ANKRD31: variants seen among roughly 807,000 people sequenced by gnomAD.
ANKRD31 encodes the protein ankyrin repeat domain 31.
ANKRD31 carries 147 observed loss-of-function variants against 186.0 expected under a neutral mutation model. The ratio of observed to expected loss-of-function variants is 0.79; its 90% CI spans 0.69 to 0.91. The LOEUF is 0.91. Among genes scored for constraint, ANKRD31 ranks in the 40% least tolerant of loss-of-function variants. The pLI, the probability that ANKRD31 is intolerant of heterozygous loss-of-function variation, is 0.00. For missense variants in ANKRD31, 1,986 were observed against 2,148.8 expected (o/e 0.92, Z 1.50); for synonymous variants, 673 against 736.4 (o/e 0.91, Z 1.39).
chr5:75,104,637 T>G lies in ANKRD31; in HGVS notation c.4922A>C (p.Lys1641Thr), dbSNP rs1422816687. The G allele has an allele frequency of 3.3e-6, 5 of 1,536,250 alleles. 1 individual carries two copies. The South Asian group carries it at 6.0e-5, about 18-fold the overall frequency. Reference sequence around the variant, plus strand: ...ACTTGCAGTTTCTGAAATATTTAATTTGCCGATTACTGGGGAAGAAACATA... The same window carrying G: ...ACTTGCAGTTTCTGAAATATTTAATGTGCCGATTACTGGGGAAGAAACATA... ...EFYVSSPVIGKLNISETASVL... is the reference protein window; with the variant it reads ...EFYVSSPVIGTLNISETASVL... Residue 1641 changes from lysine to threonine, a missense_variant, in exon 22 of 26, where the codon AAA becomes ACA. By Grantham distance (78) the Lys-to-Thr change is moderately conservative. Coordinates refer to ENST00000506364, the MANE Select transcript of ANKRD31 (RefSeq NM_001372053.1).
intron 22 of ANKRD31, among the ~76,000 whole-genome samples, chr5:75,101,605 T>C (rs1051162356): frequency 6.6e-6 from 1 of 152,186 alleles, no homozygotes; most frequent in Admixed American, 6.6e-5. Context: ...AGTCCCATAG[T>C]TCTTGGAGGC....
rs536162494 is a variant in ANKRD31 at position 75,187,280 on chromosome 5, A to G, written c.1564+1213T>C. Reference sequence around the variant, plus strand: ...GGTAGCCAGAAATAAAGATAGAGCTAAGATGCAAAGTAAGAAGGAAAAGTA... The same window carrying G: ...GGTAGCCAGAAATAAAGATAGAGCTGAGATGCAAAGTAAGAAGGAAAAGTA... On this transcript the variant is annotated intron_variant, in intron 10 of 25. Coordinates refer to ENST00000506364, the MANE Select transcript of ANKRD31 (RefSeq NM_001372053.1). 2.6e-5 allele frequency among the ~76,000 whole-genome samples: 4 copies of G among 152,146 alleles called. No homozygotes were observed. In the East Asian group the frequency reaches 5.8e-4, roughly 22 times the overall value.
chr5:75,222,640 C>T (rs1029621972), intron 2 of ANKRD31, among the ~76,000 whole-genome samples: 1 of 152,132 alleles, frequency 6.6e-6, no homozygotes, highest in Non-Finnish European at 1.5e-5. Context: ...TGTGTTGTTC[C>T]TCTCTCTGTG....
chr5:75,189,987 C>T lies in ANKRD31; in HGVS notation c.1409-1339G>A, dbSNP rs370164144. On this transcript the variant is annotated intron_variant, in intron 9 of 25. Transcript: ENST00000506364. ...ATTATATAATGTTGGATTTGATATGCTCAAGTTTTGTTTAGAATTTTTTTT... is the reference window on the plus strand; with the variant it reads ...ATTATATAATGTTGGATTTGATATGTTCAAGTTTTGTTTAGAATTTTTTTT... Among the ~76,000 whole-genome samples, 7 of 150,890 alleles carry T rather than the reference C, an allele frequency of 4.6e-5. No homozygotes were observed. In the East Asian group the frequency reaches 1.2e-3, roughly 25 times the overall value.
At chr5:75,135,337 T>C (rs1750476297) in intron 17 of ANKRD31, among the ~76,000 whole-genome samples, 1 of 152,214 alleles carries the variant, frequency 6.6e-6, no homozygotes, top group Non-Finnish European at 1.5e-5. Flanking sequence ...ACTAAATCAA[T>C]GTGCAAAAAT....
intron 15 of ANKRD31, among the ~76,000 whole-genome samples, chr5:75,141,337 T>A (rs953722237): frequency 4.8e-5 from 7 of 145,398 alleles, no homozygotes; most frequent in Admixed American, 4.0e-4. Flanking sequence ...TGAAAACTTA[T>A]GTGTGTGTGT....
intron 2 of ANKRD31, among the ~76,000 whole-genome samples, chr5:75,223,593 A>G (rs2150310478): frequency 6.6e-6 from 1 of 152,314 alleles, no homozygotes; most frequent in East Asian, 1.9e-4. Flanking sequence ...GCAACAATGG[A>G]AAGGAAAGGA....
Position 75,105,154 on chromosome 5 carries a change from G to C in ANKRD31, c.4405C>G (p.Gln1469Glu). 6.5e-7 allele frequency: 1 copy of C among 1,536,304 alleles called. No homozygotes were observed. Among genetic ancestry groups the C allele is most frequent in the South Asian group, 1.2e-5 (1 of 83,892 alleles). The part of the protein sequence containing the change: ...REQLANLAAR[Q>E]KSLLVVAKKQ... ...TTTGCCACAACTAAAAGGCTCTTCTGTCTTGCAGCCAAGTTGGCCAATTGT... is the reference window on the plus strand; with the variant it reads ...TTTGCCACAACTAAAAGGCTCTTCTCTCTTGCAGCCAAGTTGGCCAATTGT... The change falls in exon 22 of 26, where the codon CAG (glutamine) becomes GAG (glutamate). Residue 1469 changes from glutamine (Q) to glutamate (E), a missense_variant. Physicochemically the swap from Gln to Glu is conservative, Grantham distance 29 (BLOSUM62 2). Transcript: ENST00000506364.
intron 11 of ANKRD31, among the ~76,000 whole-genome samples, chr5:75,156,267 G>A (rs569396104): frequency 6.6e-6 from 1 of 152,190 alleles, no homozygotes; most frequent in South Asian, 2.1e-4. Context: ...AGGTGGTCTT[G>A]GGTATACCAC....
intron 24 of ANKRD31, among the ~76,000 whole-genome samples, chr5:75,082,570 T>C (rs1745166608): frequency 6.6e-6 from 1 of 152,212 alleles, no homozygotes. Flanking sequence ...CTACATTCTC[T>C]TTAGTTTACT....
In ANKRD31 at chr5:75,222,332, C is replaced by G; in HGVS notation, c.205G>C (p.Gly69Arg). 1.3e-6 allele frequency: 2 copies of G among 1,536,222 alleles called. No homozygotes were observed. The highest frequency in any genetic ancestry group is 1.7e-6 in the Non-Finnish European group (2 of 1,146,444). ...TGCAGATCCTCTCTGAGCTTAAATC[C>G]AAGTTGAATCTCAGGAGAAGGCATG... Reference protein sequence around the residue: ...KGMPSPEIQLGFKLREDLQEQ... With the variant: ...KGMPSPEIQLRFKLREDLQEQ... The change falls in exon 3 of 26, where the codon GGA (glycine) becomes CGA (arginine). Residue 69 changes from glycine (G) to arginine (R), a missense_variant. Physicochemically the swap from Gly to Arg is moderately radical, Grantham distance 125. Coordinates refer to ENST00000506364, the MANE Select transcript of ANKRD31 (RefSeq NM_001372053.1).
intron 17 of ANKRD31, among the ~76,000 whole-genome samples, chr5:75,136,175 A>C (rs1261561277): frequency 2.0e-5 from 3 of 152,228 alleles, no homozygotes; most frequent in African/African-American, 4.8e-5. Context: ...GATCTAATTA[A>C]ACTAAAGAGC....
At chr5:75,214,622 C>A (rs114787717) in intron 3 of ANKRD31, among the ~76,000 whole-genome samples, 1 of 152,144 alleles carries the variant, frequency 6.6e-6, no homozygotes, top group South Asian at 2.1e-4. Flanking sequence ...ATCAAACAAG[C>A]CTGTGGTTAT....
chr5:75,190,735 C>T (rs1319412641), intron 9 of ANKRD31, among the ~76,000 whole-genome samples: 1 of 151,408 alleles, frequency 6.6e-6, no homozygotes, highest in Non-Finnish European at 1.5e-5. Context: ...TTATTATTAT[C>T]TGACATGTAA....
chr5:75,129,928 A>G (rs1332959369), intron 17 of ANKRD31, among the ~76,000 whole-genome samples: 1 of 152,168 alleles, frequency 6.6e-6, no homozygotes, highest in Non-Finnish European at 1.5e-5. Flanking sequence ...GGACACTCCT[A>G]CCCTAATACT....
chr5:75,234,354 A>T (rs1307990140), intron 1 of ANKRD31, among the ~76,000 whole-genome samples: 1 of 152,298 alleles, frequency 6.6e-6, no homozygotes, highest in East Asian at 1.9e-4. Flanking sequence ...ATATATTTAT[A>T]TGGTTCAAAA....
At chr5:75,124,352 C>A (rs2150095500) in intron 17 of ANKRD31, among the ~76,000 whole-genome samples, 1 of 152,230 alleles carries the variant, frequency 6.6e-6, no homozygotes. Context: ...ATTAGTACAA[C>A]CTCTATGGAA....
chr5:75,199,513 G>T (rs1580541049), intron 6 of ANKRD31, 118 bp downstream of exon 6: 4 of 593,780 alleles, frequency 6.7e-6, no homozygotes, highest in Non-Finnish European at 1.0e-5. Context: ...TTTATCTACC[G>T]AAATGGTTTA....
Position 75,127,201 on chromosome 5 carries a change from AT to A in ANKRD31, c.3877-8905del, listed in dbSNP as rs1286824745. Among the ~76,000 whole-genome samples, 105 of 150,244 alleles carry A rather than the reference AT, an allele frequency of 7.0e-4. 1 individual carries two copies. The highest frequency in any genetic ancestry group is 2.4e-3 in the African/African-American group (99 of 40,992). ...CTCCATCTCAAAAAAAAAAAAAAAA[AT>A]CAACTGAACACATATATGAGGGTCT... On this transcript the variant is annotated intron_variant, in intron 17 of 25. Transcript: ENST00000506364.
Sources: gnomAD v4.1 joint callset for allele counts (sites outside exome capture counted in the v4.1 genomes callset) on GRCh38, gnomAD v4.1.1 for gene constraint, MANE v1.5 for transcripts, NCBI Gene and HGNC (gene_info 2026-07-23, HGNC 2026-07-21) for gene names.